ZNF362: variants seen among roughly 807,000 people sequenced by gnomAD.
The protein encoded by ZNF362 is zinc finger protein 362.
A neutral mutation model predicts 42.9 loss-of-function variants in ZNF362; 11 were observed. The observed-to-expected ratio is 0.26, with a 90% confidence interval of 0.16 to 0.42. The LOEUF (loss-of-function observed/expected upper bound fraction) is 0.42, where lower values mean the gene tolerates loss of function less well. Ranked by LOEUF, ZNF362 falls within the 20% of genes least tolerant of loss-of-function variation. The pLI is 1.00. For missense variants in ZNF362, 362 were observed against 576.2 expected, an observed-to-expected ratio of 0.63 and a Z score of 3.81; for synonymous variants, 255 against 257.3, an observed-to-expected ratio of 0.99 and a Z score of 0.09.
intron 1 of ZNF362, among the ~76,000 whole-genome samples, chr1:33,263,484 C>T (rs980230425): frequency 2.0e-5 from 3 of 151,488 alleles, no homozygotes; most frequent in Non-Finnish European, 2.9e-5. Context: ...AATCTTGGCT[C>T]GCTGCAACCT....
the ZNF362 span, among the ~76,000 whole-genome samples, chr1:33,243,598 C>A: frequency 2.7e-5 from 4 of 150,174 alleles, no homozygotes; most frequent in South Asian, 8.4e-4. Flanking sequence ...TATGTATTTT[C>A]TTTTCTTTTT....
At chr1:33,255,890 C>A (rs538935837), upstream of ZNF362, among the ~76,000 whole-genome samples, 2 of 152,004 alleles carry the variant, frequency 1.3e-5, no homozygotes, top group East Asian at 3.9e-4. Context: ...CCTGGCACCG[C>A]GCGGGCTCGG....
At chr1:33,177,063 AC>A in the ZNF362 span, among the ~76,000 whole-genome samples, 3 of 64,164 alleles carry the variant, frequency 4.7e-5, no homozygotes, top group Non-Finnish European at 7.1e-5. This position sits in a 1 kb window ranked among gnomAD's most constrained non-coding sequence, Gnocchi z 4.1. Context: ...ACACACACAC[AC>A]ATGCACACAC....
chr1:33,189,634 CAT>C, the ZNF362 span, among the ~76,000 whole-genome samples: 467 of 55,538 alleles, frequency 8.4e-3, 22 homozygotes, highest in Middle Eastern at 0.071. Flanking sequence ...CACATTCCAG[CAT>C]ATATATATAT....
At chr1:33,130,659 C>A in the ZNF362 span, among the ~76,000 whole-genome samples, 1 of 152,182 alleles carries the variant, frequency 6.6e-6, no homozygotes, top group Non-Finnish European at 1.5e-5. Flanking sequence ...TACCCAGGTT[C>A]TTGACCCTCA....
At chr1:33,248,488 G>T in the ZNF362 span, among the ~76,000 whole-genome samples, 2 of 152,230 alleles carry the variant, frequency 1.3e-5, no homozygotes, top group African/African-American at 4.8e-5. Context: ...ATCAGTCACA[G>T]CATTCTTCCT....
chr1:33,189,709 G>GTGTGTATATATATATATATATATATA, the ZNF362 span, among the ~76,000 whole-genome samples: 3 of 12,448 alleles, frequency 2.4e-4, no homozygotes, highest in South Asian at 2.1e-3. Context: ...ACATATATAC[G>GTGTGTATATATATATATATATATATA]TATATATATA....
At chr1:33,181,068 T>G in the ZNF362 span, 1 of 1,596,512 alleles carries the variant, frequency 6.3e-7, no homozygotes, top group Non-Finnish European at 8.5e-7. This position sits in a 1 kb window ranked among gnomAD's most constrained non-coding sequence, Gnocchi z 6.5. Context: ...GACCTGATGC[T>G]GCTCGTGCAG....
At chr1:33,168,353 G>A in the ZNF362 span, among the ~76,000 whole-genome samples, 1 of 152,186 alleles carries the variant, frequency 6.6e-6, no homozygotes, top group South Asian at 2.1e-4. Context: ...GGTTTACTCA[G>A]TGACATGCTA....
chr1:33,196,161 C>G, the ZNF362 span: 1 of 152,154 alleles, frequency 6.6e-6, no homozygotes, highest in East Asian at 1.9e-4. Context: ...AGGTGGATTG[C>G]TTGAGGTCAG....
chr1:33,270,115 C>T (rs937742238), intron 1 of ZNF362, among the ~76,000 whole-genome samples: 26 of 152,296 alleles, frequency 1.7e-4, no homozygotes, highest in African/African-American at 5.5e-4. Flanking sequence ...AATATCTTGA[C>T]ACAGTTCCCA....
chr1:33,210,565 T>G, the ZNF362 span, among the ~76,000 whole-genome samples: 1 of 152,112 alleles, frequency 6.6e-6, no homozygotes, highest in Non-Finnish European at 1.5e-5. Flanking sequence ...AGTCTAAGTC[T>G]CTTTGTGGGT....
intron 6 of ZNF362, among the ~76,000 whole-genome samples, chr1:33,283,139 T>C (rs1163082907): frequency 6.6e-6 from 1 of 152,096 alleles, no homozygotes; most frequent in African/African-American, 2.4e-5. Flanking sequence ...AAGGGCTCTA[T>C]TTTTTTGAGA....
the ZNF362 span, chr1:33,159,834 G>A: frequency 3.1e-5 from 50 of 1,613,726 alleles, no homozygotes; most frequent in Non-Finnish European, 4.1e-5. The surrounding 1 kb of genome is among the most constrained non-coding windows in gnomAD (Gnocchi z 4.2). Context: ...TCAGCGTGCG[G>A]GCCGTGTCCG....
At chr1:33,146,597 A>G in the ZNF362 span, 1,108 of 162,484 alleles carry the variant, frequency 6.8e-3, 11 homozygotes, top group African/African-American at 0.025. Context: ...ATCATCACTG[A>G]CCAGCAGATC....
the ZNF362 span, chr1:33,159,618 A>C: frequency 2.6e-6 from 4 of 1,525,404 alleles, no homozygotes; most frequent in Non-Finnish European, 2.6e-6. The surrounding 1 kb of genome is among the most constrained non-coding windows in gnomAD (Gnocchi z 4.2). Context: ...ATCTGCCTCC[A>C]CTCCCACTGC....
At chr1:33,171,430 C>G in the ZNF362 span, among the ~76,000 whole-genome samples, 1 of 152,114 alleles carries the variant, frequency 6.6e-6, no homozygotes, top group African/African-American at 2.4e-5. Flanking sequence ...GGCAGCTTGC[C>G]TAAGTTCACA....
chr1:33,299,030 G>C lies in ZNF362; in HGVS notation c.1247G>C (p.Arg416Pro). 6.2e-7 allele frequency: 1 copy of C among 1,609,974 alleles called. No homozygotes were observed. The highest frequency in any genetic ancestry group is 8.5e-7 in the Non-Finnish European group (1 of 1,179,918). ...ACGGAGTCCCCCGGCATCCCGGTGC[G>C]AATCTCTCTCATCTGAGCCCACTGG... Reference protein sequence around the residue: ...QRTESPGIPVRISLI With the variant: ...QRTESPGIPVPISLI The change falls in exon 9 of 9, where the codon CGA becomes CCA. Residue 416 changes from arginine to proline, a missense_variant. Physicochemically the swap from Arg to Pro is moderately radical, Grantham distance 103. This residue lies in a region of ZNF362 where 68 missense variants were observed against 107.4 expected (regional missense o/e 0.63). Coordinates refer to ENST00000539719, the MANE Select transcript of ZNF362 (RefSeq NM_152493.3).
the ZNF362 span, chr1:33,166,399 TG>T: frequency 6.6e-6 from 1 of 151,998 alleles, no homozygotes; most frequent in Non-Finnish European, 1.5e-5. Context: ...CTAAAAAGGT[TG>T]GGGACCACTG....
Sources: gnomAD v4.1 joint callset for allele counts (sites outside exome capture counted in the v4.1 genomes callset) on GRCh38, gnomAD v4.1.1 for gene constraint, gnomAD v4.1.1 regional missense constraint, Gnocchi (gnomAD v3.1) non-coding constraint, MANE v1.5 for transcripts, NCBI Gene and HGNC (gene_info 2026-07-23, HGNC 2026-07-21) for gene names.